RETREG1: variants seen among roughly 807,000 people sequenced by gnomAD.
RETREG1 encodes the protein family with sequence similarity 134 member B.
RETREG1 carries 44 observed loss-of-function variants against 54.8 expected under a neutral mutation model. That is an observed-to-expected ratio of 0.80 (90% confidence interval 0.63 to 1.03). RETREG1 has a LOEUF of 1.03. Ranked by LOEUF, RETREG1 falls within the 50% of genes least tolerant of loss-of-function variation. The probability of loss-of-function intolerance (pLI) is 0.00; values close to 1 mark genes in which losing one functional copy is unlikely to be tolerated. For missense variants in RETREG1, 554 were observed against 605.1 expected, an observed-to-expected ratio of 0.92 and a Z score of 0.89; for synonymous variants, 217 against 238.5, an observed-to-expected ratio of 0.91 and a Z score of 0.83.
chr5:16,476,599 A>C (rs1175625503), intron 8 of RETREG1, among the ~76,000 whole-genome samples: 2 of 152,208 alleles, frequency 1.3e-5, no homozygotes, highest in African/African-American at 2.4e-5. Context: ...TGTCCTTTGC[A>C]AGGACATGGA....
At chr5:16,530,317 G>A (rs1740874951) in intron 3 of RETREG1, among the ~76,000 whole-genome samples, 1 of 152,228 alleles carries the variant, frequency 6.6e-6, no homozygotes, top group Non-Finnish European at 1.5e-5. Flanking sequence ...CCTGGTGCCA[G>A]CCTGCCTGGG....
intron 1 of RETREG1, among the ~76,000 whole-genome samples, chr5:16,577,274 A>G: frequency 6.8e-6 from 1 of 146,840 alleles, no homozygotes; most frequent in East Asian, 2.0e-4. Context: ...TAGAGGCTTG[A>G]TAAGACTTAG....
intron 2 of RETREG1, among the ~76,000 whole-genome samples, chr5:16,568,263 G>A (rs1742074021): frequency 7.5e-6 from 1 of 132,648 alleles, no homozygotes; most frequent in African/African-American, 2.9e-5. Flanking sequence ...CTCACAAGAT[G>A]ATATCACTGA....
intron 1 of RETREG1, among the ~76,000 whole-genome samples, chr5:16,588,181 A>C (rs950019424): frequency 5.9e-5 from 9 of 152,162 alleles, no homozygotes; most frequent in Non-Finnish European, 1.0e-4. Flanking sequence ...ATTTTCTCAC[A>C]ATTTGTGTGA....
rs1187418316 is a variant in RETREG1, at chr5:16,475,196, G to T, written c.1039C>A (p.Leu347Ile). The T allele has an allele frequency of 6.2e-7, 1 of 1,613,468 alleles. No individual in the cohort carries two copies. Among genetic ancestry groups the T allele is most frequent in the Non-Finnish European group, 8.5e-7 (1 of 1,179,786 alleles). Residue 347 changes from leucine (L) to isoleucine (I), a missense_variant, in exon 9 of 9, where the codon CTT (leucine) becomes ATT (isoleucine). This residue lies in a region of RETREG1 where 347 missense variants were observed against 412.3 expected (regional missense o/e 0.84). Transcript: ENST00000306320. ...TTTTCTAGAGATGGAAAATCTGAAA[G>T]ATCTCTAGAGAAAACTTCCTCACTG... ...RPSEEVFSRD[L>I]SDFPSLENGM...
intron 3 of RETREG1, among the ~76,000 whole-genome samples, chr5:16,488,459 C>A (rs1739103793): frequency 6.6e-6 from 1 of 152,130 alleles, no homozygotes; most frequent in Non-Finnish European, 1.5e-5. Context: ...AAAGGAGATC[C>A]AAGGGGCCAG....
At chr5:16,592,586 A>G (rs1278064099) in intron 1 of RETREG1, among the ~76,000 whole-genome samples, 3 of 152,232 alleles carry the variant, frequency 2.0e-5, no homozygotes, top group Non-Finnish European at 4.4e-5. Flanking sequence ...TCTATCATAA[A>G]GGTGCATGCA....
chr5:16,589,843 C>T (rs1281541011), intron 1 of RETREG1, among the ~76,000 whole-genome samples: 4 of 152,166 alleles, frequency 2.6e-5, no homozygotes, highest in Non-Finnish European at 5.9e-5. Flanking sequence ...CCACTCTGGC[C>T]CTGAAGCCAA....
chr5:16,520,308 G>A (rs567112688), intron 3 of RETREG1, among the ~76,000 whole-genome samples: 1 of 135,192 alleles, frequency 7.4e-6, no homozygotes, highest in Non-Finnish European at 1.6e-5. Flanking sequence ...GTTTTTTGGG[G>A]GTTTTGTGGT....
At chr5:16,615,165 A>G (rs1743460042) in intron 1 of RETREG1, among the ~76,000 whole-genome samples, 1 of 152,152 alleles carries the variant, frequency 6.6e-6, no homozygotes, top group Non-Finnish European at 1.5e-5. Flanking sequence ...TGGGAGGCCG[A>G]GGCGGACGGA....
intron 3 of RETREG1, among the ~76,000 whole-genome samples, chr5:16,565,291 A>C (rs1373770595): frequency 6.6e-6 from 1 of 152,062 alleles, no homozygotes; most frequent in East Asian, 1.9e-4. Flanking sequence ...CATCTCCTGC[A>C]CCCTCACACC....
chr5:16,557,124 C>A (rs1741731217), intron 3 of RETREG1, among the ~76,000 whole-genome samples: 1 of 152,176 alleles, frequency 6.6e-6, no homozygotes, highest in African/African-American at 2.4e-5. Context: ...GCCACTGCAC[C>A]CGGCCATCAT....
At chr5:16,502,797 A>G (rs923222825) in intron 3 of RETREG1, among the ~76,000 whole-genome samples, 5 of 152,208 alleles carry the variant, frequency 3.3e-5, no homozygotes, top group African/African-American at 1.2e-4. Context: ...AGTGTACCAG[A>G]CTTGCCCTCA....
chr5:16,484,484 A>C (rs1465998951), intron 3 of RETREG1, among the ~76,000 whole-genome samples: 1 of 152,168 alleles, frequency 6.6e-6, no homozygotes, highest in Non-Finnish European at 1.5e-5. Context: ...TTCTAGAAGA[A>C]GACTAGAATT....
chr5:16,523,259 T>G (rs914411875), intron 3 of RETREG1, among the ~76,000 whole-genome samples: 14 of 152,146 alleles, frequency 9.2e-5, no homozygotes, highest in Non-Finnish European at 4.4e-5. Flanking sequence ...TGTTTTGTTT[T>G]TTTCTTCATC....
chr5:16,604,962 A>G (rs1184807222), intron 1 of RETREG1, among the ~76,000 whole-genome samples: 3 of 152,236 alleles, frequency 2.0e-5, no homozygotes, highest in Non-Finnish European at 4.4e-5. Flanking sequence ...TTAAACTAAT[A>G]TAGTATAGGG....
At position 16,614,081 on chromosome 5, in the gene RETREG1, A is replaced by G. The variant is rs557997666; in HGVS notation, c.320+2571T>C. On this transcript the variant is annotated intron_variant, in intron 1 of 8. Coordinates refer to ENST00000306320, the MANE Select transcript of RETREG1 (RefSeq NM_001034850.3). ...ACAAACAGGAGATGAAATAAAACAG[A>G]TAAGGAGAAGGCTGTATCTAGGCTG... 7.2e-5 allele frequency among the ~76,000 whole-genome samples: 11 copies of G among 152,368 alleles called. No homozygotes were observed. The East Asian group carries it at 2.1e-3, about 29-fold the overall frequency.
At chr5:16,562,470 G>T (rs1196107033) in intron 3 of RETREG1, among the ~76,000 whole-genome samples, 1 of 152,152 alleles carries the variant, frequency 6.6e-6, no homozygotes, top group Non-Finnish European at 1.5e-5. Context: ...GCCATCTTCA[G>T]CAAACATCCA....
chr5:16,592,685 G>A (rs1283300247), intron 1 of RETREG1, among the ~76,000 whole-genome samples: 4 of 151,252 alleles, frequency 2.6e-5, no homozygotes, highest in African/African-American at 9.7e-5. Flanking sequence ...AGAAAATGTG[G>A]TACATATACG....
Sources: allele counts gnomAD v4.1 joint callset (sites outside exome capture counted in the v4.1 genomes callset), GRCh38; gene constraint gnomAD v4.1.1; regional missense constraint gnomAD v4.1.1; transcripts MANE v1.5; gene names NCBI Gene and HGNC (gene_info 2026-07-23, HGNC 2026-07-21).